The following SLC38A8 variants were observed in gnomAD, a reference collection of about 807,000 sequenced individuals.
The protein encoded by SLC38A8 is amino acid transporter SLC38A8.
A neutral mutation model predicts 46.0 loss-of-function variants in SLC38A8; 65 were observed. The ratio of observed to expected loss-of-function variants is 1.41; its 90% CI spans 1.16 to 1.74. The LOEUF (loss-of-function observed/expected upper bound fraction) is 1.74, where lower values mean the gene tolerates loss of function less well. Among genes scored for constraint, SLC38A8 ranks in the 40% most tolerant of loss-of-function variants. The pLI is 0.00. For missense variants in SLC38A8, 998 were observed against 567.9 expected (o/e 1.76, Z -7.70); for synonymous variants, 447 against 243.7 (o/e 1.83, Z -7.77).
chr16:84,018,399 T>C (rs1232918832), intron 7 of SLC38A8, among the ~76,000 whole-genome samples: 6 of 151,962 alleles, frequency 3.9e-5, no homozygotes, highest in Non-Finnish European at 7.4e-5. Flanking sequence ...TTTTGAATTT[T>C]TAGTAAAGAC....
chr16:84,026,902 G>A (rs943235296), intron 6 of SLC38A8, among the ~76,000 whole-genome samples: 13 of 152,158 alleles, frequency 8.5e-5, no homozygotes, highest in Non-Finnish European at 1.3e-4. Context: ...AGTGACTGAC[G>A]GCGATGGGTT....
chr16:84,017,036 G>A, intron 8 of SLC38A8, 104 bp downstream of exon 8: 1 of 1,451,868 alleles, frequency 6.9e-7, no homozygotes, highest in South Asian at 1.3e-5. Flanking sequence ...AATTGGAGAG[G>A]ATGGTAGTCC....
intron 2 of SLC38A8, among the ~76,000 whole-genome samples, chr16:84,039,505 G>C (rs746228380): frequency 5.3e-5 from 8 of 152,152 alleles, no homozygotes; most frequent in Non-Finnish European, 1.0e-4. Context: ...AGCACTTTGG[G>C]AGGCCAAGGC....
intron 3 of SLC38A8, among the ~76,000 whole-genome samples, 166 bp downstream of exon 3, chr16:84,036,536 T>C (rs555991715): frequency 2.6e-5 from 4 of 152,354 alleles, no homozygotes; most frequent in East Asian, 1.9e-4. Flanking sequence ...TGACTATCCA[T>C]TCGGAGCCTC....
chr16:84,036,699 T>TA lies in SLC38A8; in HGVS notation c.388+2dup, dbSNP rs1352979834. ...CCACCCCGAGTCCCATGAAGGTACT[T>TA]ACGCTTCTCCAGCTGGTCCCCGATC... On this transcript the variant is annotated splice_region_variant and intron_variant, in intron 3 of 10. Coordinates refer to ENST00000299709, the MANE Select transcript of SLC38A8 (RefSeq NM_001080442.3). The TA allele has an allele frequency of 4.3e-6, 7 of 1,613,932 alleles. No individual in the cohort carries two copies. Among genetic ancestry groups the TA allele is most frequent in the African/African-American group, 4.0e-5 (3 of 74,924 alleles).
intron 9 of SLC38A8, among the ~76,000 whole-genome samples, chr16:84,015,605 C>T (rs1159204817): frequency 6.6e-6 from 1 of 152,018 alleles, no homozygotes; most frequent in Non-Finnish European, 1.5e-5. Context: ...GTCTTCGCAT[C>T]TATGGAATGG....
chr16:84,033,239 C>G (rs2085265282), intron 4 of SLC38A8, 89 bp downstream of exon 4: 1 of 1,567,308 alleles, frequency 6.4e-7, no homozygotes. Context: ...GGCCAATTCC[C>G]CAGCTCCTCT....
intron 10 of SLC38A8, 100 bp downstream of exon 10, chr16:84,012,901 G>C (rs1366031933): frequency 7.8e-7 from 1 of 1,287,564 alleles, no homozygotes; most frequent in Non-Finnish European, 1.1e-6. Context: ...TCACCTGCAG[G>C]ATGCAGAGGA....
intron 3 of SLC38A8, 119 bp from the exon 4 acceptor site, chr16:84,033,588 C>G: frequency 8.3e-7 from 1 of 1,205,252 alleles, no homozygotes; most frequent in Non-Finnish European, 1.1e-6. Context: ...GCCCCAGGAG[C>G]CCAGGGATCA....
rs756407374 is a variant in SLC38A8 at position 84,012,990 on chromosome 16, G to C, written c.1214+11C>G. The C allele has an allele frequency of 6.2e-7, 1 of 1,614,040 alleles. No individual in the cohort carries two copies. The highest frequency in any genetic ancestry group is 1.3e-5 in the African/African-American group (1 of 75,044). Reference sequence around the variant, plus strand: ...ACACCCAGGGTGCCACCTCATCTTAGGGACACTTACTTGACTCTTGGTCCT... The same window carrying C: ...ACACCCAGGGTGCCACCTCATCTTACGGACACTTACTTGACTCTTGGTCCT... On this transcript the variant is annotated intron_variant, in intron 10 of 10. Coordinates refer to ENST00000299709, the MANE Select transcript of SLC38A8 (RefSeq NM_001080442.3).
Position 84,013,424 on chromosome 16 carries a change from G to GTTTTT in SLC38A8, c.1163-377_1163-373dup, listed in dbSNP as rs1221293803. ...CATTACTTTCTTTTGTTGTGTGTGTGTTTTTTTTTTTTTTTTTTTTTTTTT... is the reference window on the plus strand; with the variant it reads ...CATTACTTTCTTTTGTTGTGTGTGTGTTTTTTTTTTTTTTTTTTTTTTTTTTTTTT... On this transcript the variant is annotated intron_variant, in intron 9 of 10. Transcript: ENST00000299709. Among the ~76,000 whole-genome samples the GTTTTT allele has an allele frequency of 4.8e-3, 307 of 64,026 alleles. 10 individuals are homozygous for GTTTTT. The highest frequency in any genetic ancestry group is 8.8e-3 in the African/African-American group (111 of 12,614). 42.0% of individuals were successfully genotyped at this position (64,026 alleles called of 152,430 possible). A position where few individuals can be genotyped will look rare whatever the true frequency, so the allele number is the denominator to read the frequency against.
At chr16:84,015,141 C>G (rs952563562) in intron 9 of SLC38A8, among the ~76,000 whole-genome samples, 3 of 152,168 alleles carry the variant, frequency 2.0e-5, no homozygotes, top group Non-Finnish European at 4.4e-5. Context: ...ACAGGGTCCA[C>G]TCACGGAACA....
At chr16:84,027,192 A>G (rs929334741) in intron 6 of SLC38A8, among the ~76,000 whole-genome samples, 2 of 152,152 alleles carry the variant, frequency 1.3e-5, no homozygotes, top group Admixed American at 6.5e-5. Context: ...TCTACTAAAA[A>G]TACAAAAATT....
intron 5 of SLC38A8, among the ~76,000 whole-genome samples, chr16:84,031,625 A>G (rs562692464): frequency 3.0e-4 from 46 of 152,334 alleles, no homozygotes; most frequent in African/African-American, 1.0e-3. Flanking sequence ...AGGCCGCCGC[A>G]GCCTTTGGCG....
intron 10 of SLC38A8, 27 bp downstream of exon 10, chr16:84,012,974 G>C: frequency 6.2e-7 from 1 of 1,613,394 alleles, no homozygotes; most frequent in Non-Finnish European, 8.5e-7. Context: ...CACACCCAGG[G>C]TGCCACCTCA....
upstream of SLC38A8, among the ~76,000 whole-genome samples, chr16:84,043,323 T>A (rs1330418653): frequency 1.3e-5 from 2 of 152,182 alleles, no homozygotes; most frequent in African/African-American, 4.8e-5. Flanking sequence ...TGCTGGCACA[T>A]GCAGCTCAGA....
intron 2 of SLC38A8, among the ~76,000 whole-genome samples, chr16:84,037,803 T>G (rs1399486802): frequency 3.3e-5 from 4 of 121,050 alleles, no homozygotes; most frequent in African/African-American, 1.3e-4. Flanking sequence ...TATTTCAGCT[T>G]CAATTTTTTT....
At chr16:84,024,907 C>T (rs550685354) in intron 6 of SLC38A8, among the ~76,000 whole-genome samples, 21 of 152,252 alleles carry the variant, frequency 1.4e-4, no homozygotes, top group African/African-American at 4.8e-4. Context: ...TCTCATACTC[C>T]TGACCTCAAG....
intron 7 of SLC38A8, among the ~76,000 whole-genome samples, chr16:84,021,423 C>A (rs982985507): frequency 6.6e-6 from 1 of 152,186 alleles, no homozygotes; most frequent in Admixed American, 6.5e-5. Context: ...CACAGTTCAG[C>A]CAAATTATTT....
Sources: gnomAD v4.1 joint callset for allele counts (sites outside exome capture counted in the v4.1 genomes callset) on GRCh38, gnomAD v4.1.1 for gene constraint, MANE v1.5 for transcripts, NCBI Gene and HGNC (gene_info 2026-07-23, HGNC 2026-07-21) for gene names.